The following TSG101 variants were observed in gnomAD, a reference collection of about 807,000 sequenced individuals.
TSG101 encodes tumor susceptibility 101, also known as tumor susceptibility gene 101 protein.
Under a neutral mutation model 48.5 loss-of-function variants are expected in TSG101, and 19 were observed. The observed-to-expected ratio is 0.39, with a 90% CI of 0.27 to 0.58. TSG101 has a LOEUF of 0.58. Among genes scored for constraint, TSG101 ranks in the 20% least tolerant of loss-of-function variants. The pLI, the probability that TSG101 is intolerant of heterozygous loss-of-function variation, is 0.55. For missense variants in TSG101, 365 were observed against 484.4 expected (o/e 0.75, Z 2.31); for synonymous variants, 174 against 169.4 (o/e 1.03, Z -0.21).
intron 7 of TSG101, among the ~76,000 whole-genome samples, chr11:18,496,061 G>C (rs530122862): frequency 6.6e-6 from 1 of 152,314 alleles, no homozygotes; most frequent in African/African-American, 2.4e-5. Context: ...ACAACATATG[G>C]AAGTGTCACT....
At chr11:18,501,232 G>C (rs1849881778) in intron 7 of TSG101, among the ~76,000 whole-genome samples, 1 of 152,150 alleles carries the variant, frequency 6.6e-6, no homozygotes, top group Non-Finnish European at 1.5e-5. Context: ...TATTCTTCTA[G>C]TAGTTTTATA....
chr11:18,522,499 CCA>C (rs1422051720), intron 1 of TSG101, among the ~76,000 whole-genome samples: 1 of 152,232 alleles, frequency 6.6e-6, no homozygotes, highest in East Asian at 1.9e-4. Flanking sequence ...TCCGGAATCT[CCA>C]CAGCTACAGT....
In TSG101 at chr11:18,524,498, T is replaced by A. The variant is rs966784974; in HGVS notation, c.42+2277A>T. Among the ~76,000 whole-genome samples, 9 of 152,206 alleles carry A rather than the reference T, an allele frequency of 5.9e-5. No homozygotes were observed. In the South Asian group the frequency reaches 1.9e-3, roughly 31 times the overall value. On this transcript the variant is annotated intron_variant, in intron 1 of 9. Transcript: ENST00000251968. ...GACCACACCAGCTGAAAGGAAAACATTTGAAGCCCTTCTTTAGGAGGAAGG... is the reference window on the plus strand; with the variant it reads ...GACCACACCAGCTGAAAGGAAAACAATTGAAGCCCTTCTTTAGGAGGAAGG...
intron 5 of TSG101, among the ~76,000 whole-genome samples, chr11:18,508,221 CT>C (rs528297285): frequency 0.02 from 2,672 of 135,800 alleles, 28 homozygotes; most frequent in Middle Eastern, 0.059. Context: ...TATTTGATAT[CT>C]TTTTTTTTTT....
At chr11:18,489,519 G>A (rs1323842469) in intron 7 of TSG101, among the ~76,000 whole-genome samples, 1 of 152,192 alleles carries the variant, frequency 6.6e-6, no homozygotes. Context: ...AGCACAAGTT[G>A]CAAATTGGTA....
At position 18,514,951 on chromosome 11, in the gene TSG101, TC is replaced by T. The variant is rs972846040; in HGVS notation, c.194-111del. 7.3e-5 allele frequency: 69 copies of T among 950,614 alleles called. No individual in the cohort carries two copies. The East Asian group carries it at 1.3e-3, about 18-fold the overall frequency. 58.9% of individuals were successfully genotyped at this position (950,614 alleles called of 1,614,324 possible). A position where few individuals can be genotyped will look rare whatever the true frequency, so the allele number is the denominator to read the frequency against. On this transcript the variant is annotated intron_variant, in intron 3 of 9. Coordinates refer to ENST00000251968, the MANE Select transcript of TSG101 (RefSeq NM_006292.4). The stretch of plus-strand genomic sequence containing the variant: ...GATACAATTTATACATATATCCGCA[TC>T]CCCCCCATTCCTATTTCCCCCAGCA...
intron 7 of TSG101, among the ~76,000 whole-genome samples, chr11:18,488,474 C>T (rs11024679): frequency 0.16 from 24,798 of 152,096 alleles, 2,633 homozygotes; most frequent in East Asian, 0.42. Context: ...GATAAGTGCA[C>T]TTGGGAGACC....
At position 18,521,032 on chromosome 11, in the gene TSG101, G is replaced by GA. The variant is rs148238384; in HGVS notation, c.43-1430dup. 9.0e-3 allele frequency among the ~76,000 whole-genome samples: 1,238 copies of GA among 137,762 alleles called. 7 individuals are homozygous for GA. The highest frequency in any genetic ancestry group is 0.024 in the African/African-American group (911 of 37,688). The allele number at this position is 137,762 out of a possible 152,430, so 90.4% of individuals were successfully genotyped here. ...GGTGACAGAGCTAGACTCCGTCTTG[G>GA]AAAAAAAAAAAAAAAATTTGCTTTT... On this transcript the variant is annotated intron_variant, in intron 1 of 9. Coordinates refer to ENST00000251968, the MANE Select transcript of TSG101 (RefSeq NM_006292.4).
intron 6 of TSG101, among the ~76,000 whole-genome samples, chr11:18,504,444 A>G (rs1247494167): frequency 6.6e-6 from 1 of 152,082 alleles, no homozygotes; most frequent in Non-Finnish European, 1.5e-5. Flanking sequence ...AAAAGAAAGC[A>G]TTTTTGTTCC....
chr11:18,517,220 C>T (rs1407559939), intron 2 of TSG101, among the ~76,000 whole-genome samples: 3 of 151,432 alleles, frequency 2.0e-5, no homozygotes, highest in Non-Finnish European at 4.4e-5. Context: ...CTAAGTTGTC[C>T]GGGCTGGACT....
intron 7 of TSG101, chr11:18,491,025 T>C (rs12222210): frequency 0.18 from 32,498 of 183,446 alleles, 3,547 homozygotes; most frequent in East Asian, 0.42. Context: ...TGACCACTTC[T>C]TTCCCAAGCC....
Position 18,506,702 on chromosome 11 carries a change from T to A in TSG101, c.548+155A>T, listed in dbSNP as rs185651056. Among the ~76,000 whole-genome samples, 759 of 151,814 alleles carry A rather than the reference T, an allele frequency of 5.0e-3. 6 individuals carry two copies. Among genetic ancestry groups the A allele is most frequent in the African/African-American group, 0.015 (624 of 41,386 alleles). ...AAGACTCCATCTCAAAAAAAATAAA[T>A]AAATAAATAAATAAATTCCAGGAAT... On this transcript the variant is annotated intron_variant, in intron 6 of 9. Transcript: ENST00000251968.
chr11:18,507,043 A>C (rs543311074), intron 5 of TSG101, 120 bp from the exon 6 acceptor site: 2 of 598,930 alleles, frequency 3.3e-6, no homozygotes, highest in Non-Finnish European at 5.5e-6. Flanking sequence ...AAAAAATCCA[A>C]ATCTCAGCAC....
intron 7 of TSG101, among the ~76,000 whole-genome samples, chr11:18,484,765 T>C (rs1849593133): frequency 6.6e-6 from 1 of 152,214 alleles, no homozygotes; most frequent in Non-Finnish European, 1.5e-5. Flanking sequence ...GGATATTTTC[T>C]TCAAAAAGGT....
At position 18,481,737 on chromosome 11, in the gene TSG101, TG is replaced by T; in HGVS notation, c.975del (p.Tyr325Ter). 6.2e-7 allele frequency: 1 copy of T among 1,614,206 alleles called. No individual in the cohort carries two copies. Among genetic ancestry groups the T allele is most frequent in the Non-Finnish European group, 8.5e-7 (1 of 1,180,030 alleles). ...DEVIIPTAPLYKQILNLYAEE... is the reference protein window; with the variant it reads ...DEVIIPTAPLXKQILNLYAEE... ...TCTGCATACAGATTCAGGATCTGTT[TG>T]TATAAGGGAGCTGTGGGAATGATAA... On this transcript the variant is annotated frameshift_variant, in exon 9 of 10. Coordinates refer to ENST00000251968, the MANE Select transcript of TSG101 (RefSeq NM_006292.4). LOFTEE classifies it high-confidence loss of function.
In TSG101 at chr11:18,504,200, CAA is replaced by C. The variant is rs933198352; in HGVS notation, c.549-1625_549-1624del. Among the ~76,000 whole-genome samples the C allele has an allele frequency of 5.2e-3, 225 of 43,306 alleles. 2 individuals carry two copies. The highest frequency in any genetic ancestry group is 0.012 in the African/African-American group (197 of 16,124). The allele number at this position is 43,306 out of a possible 152,430, so 28.4% of individuals were successfully genotyped here. A position where few individuals can be genotyped will look rare whatever the true frequency, so the allele number is the denominator to read the frequency against. ...GGGCAACAGAGTGAAGCCCCCATCT[CAA>C]AAAAAAAAAAAAAAAAAAAGCTAGC... On this transcript the variant is annotated intron_variant, in intron 6 of 9. Transcript: ENST00000251968.
intron 7 of TSG101, among the ~76,000 whole-genome samples, chr11:18,501,054 C>T (rs578222470): frequency 6.6e-5 from 10 of 152,238 alleles, no homozygotes; most frequent in African/African-American, 1.9e-4. Flanking sequence ...ATGATTCGCC[C>T]GCCTTGGCTT....
Position 18,512,952 on chromosome 11 carries a change from T to C in TSG101, c.357+1726A>G, listed in dbSNP as rs1340811431. ...CATGTTGGCCAGGCTCGTCTCAAAC[T>C]TCTGGCCTCAAGTGATCCTCCCGCC... On this transcript the variant is annotated intron_variant, in intron 4 of 9. Transcript: ENST00000251968. Among the ~76,000 whole-genome samples, 211 of 152,188 alleles carry C rather than the reference T, an allele frequency of 1.4e-3. 1 individual carries two copies. The highest frequency in any genetic ancestry group is 4.6e-3 in the African/African-American group (193 of 41,522).
At position 18,506,923 on chromosome 11, in the gene TSG101, G is replaced by A; in HGVS notation, c.482C>T (p.Thr161Ile). 6.2e-7 allele frequency: 1 copy of A among 1,605,466 alleles called. No individual in the cohort carries two copies. Among genetic ancestry groups the A allele is most frequent in the African/African-American group, 1.3e-5 (1 of 74,924 alleles). The change falls in exon 6 of 10, where the codon ACT becomes ATT. Residue 161 changes from threonine (T) to isoleucine (I), a missense_variant and splice_region_variant. By Grantham distance (89) the Thr-to-Ile change is moderately conservative (BLOSUM62 -1). Coordinates refer to ENST00000251968, the MANE Select transcript of TSG101 (RefSeq NM_006292.4). The part of the protein sequence containing the change: ...PPYQATGPPN[T>I]SYMPGMPGGI... ...ACCTGGCATGCCTGGCATGTAGGAA[G>A]CTAAAAACAATTTTTTTCACATTGT...
Sources: allele counts gnomAD v4.1 joint callset (sites outside exome capture counted in the v4.1 genomes callset), GRCh38; gene constraint gnomAD v4.1.1; transcripts MANE v1.5; gene names NCBI Gene and HGNC (gene_info 2026-07-23, HGNC 2026-07-21).